U2AF2: variants seen among roughly 807,000 people sequenced by gnomAD.
The protein encoded by U2AF2 is splicing factor U2AF 65 kDa subunit.
A neutral mutation model predicts 52.6 loss-of-function variants in U2AF2; 6 were observed. The observed-to-expected ratio is 0.11, with a 90% CI of 0.06 to 0.23. The LOEUF (loss-of-function observed/expected upper bound fraction) is 0.23. Ranked by LOEUF, U2AF2 falls within the 10% of genes least tolerant of loss-of-function variation. The pLI, the probability that U2AF2 is intolerant of heterozygous loss-of-function variation, is 1.00. For missense variants in U2AF2, 222 were observed against 677.1 expected, an observed-to-expected ratio of 0.33 and a Z score of 7.46; for synonymous variants, 284 against 258.2, an observed-to-expected ratio of 1.10 and a Z score of -0.96.
chr19:55,659,021 CT>C (rs1983979418), intron 1 of U2AF2, 188 bp from the exon 2 acceptor site: 1 of 904,570 alleles, frequency 1.1e-6, no homozygotes, highest in Non-Finnish European at 1.5e-6. Flanking sequence ...CCCCGTCCCC[CT>C]GGTCCCCTCA....
At chr19:55,659,814 T>C (rs969694662) in intron 2 of U2AF2, among the ~76,000 whole-genome samples, 2 of 152,104 alleles carry the variant, frequency 1.3e-5, no homozygotes, top group Admixed American at 6.5e-5. Flanking sequence ...GGCTGACTTT[T>C]TGGCCCAGGG....
rs1314067243 is a variant in U2AF2, at chr19:55,668,483, A to C, written c.743-24A>C. 1 of 1,551,918 alleles carries C rather than the reference A, an allele frequency of 6.4e-7. No homozygotes were observed. Among genetic ancestry groups the C allele is most frequent in the Non-Finnish European group, 8.7e-7 (1 of 1,146,940 alleles). On this transcript the variant is annotated intron_variant, in intron 7 of 11. Transcript: ENST00000308924. This position sits in a 1 kb window ranked among gnomAD's most constrained non-coding sequence, Gnocchi z 5.5. Reference sequence around the variant, plus strand: ...GGAGATAACCTGGTACTGGAATTGAAGTCCTCCTCTTCTCTACCCATAGGG... The same window carrying C: ...GGAGATAACCTGGTACTGGAATTGACGTCCTCCTCTTCTCTACCCATAGGG...
chr19:55,664,787 G>A (rs905493106), intron 7 of U2AF2, among the ~76,000 whole-genome samples: 3 of 152,070 alleles, frequency 2.0e-5, no homozygotes, highest in African/African-American at 7.2e-5. Flanking sequence ...GCACGATCTC[G>A]GCTTACTGCA....
intron 6 of U2AF2, 55 bp from the exon 7 acceptor site, chr19:55,663,551 G>T: frequency 1.3e-6 from 2 of 1,588,914 alleles, no homozygotes; most frequent in Non-Finnish European, 1.7e-6. Flanking sequence ...GGAACACTAG[G>T]GGCTGTACTA....
Position 55,668,898 on chromosome 19 carries a change from C to T in U2AF2, c.945+106C>T, listed in dbSNP as rs527486689. 1.5e-4 allele frequency: 235 copies of T among 1,537,456 alleles called. No individual in the cohort carries two copies. Among genetic ancestry groups the T allele is most frequent in the Non-Finnish European group, 1.9e-4 (221 of 1,140,616 alleles). Reference sequence around the variant, plus strand: ...AGGGGACGGGGCGGGAGGCGGCCAACCTGAGGCAGTGCCCTGTGTGTGGGC... The same window carrying T: ...AGGGGACGGGGCGGGAGGCGGCCAATCTGAGGCAGTGCCCTGTGTGTGGGC... On this transcript the variant is annotated intron_variant, in intron 9 of 11. Transcript: ENST00000308924. The surrounding 1 kb of genome is among the most constrained non-coding windows in gnomAD (Gnocchi z 5.5).
At chr19:55,664,300 G>T (rs1057269284) in intron 7 of U2AF2, among the ~76,000 whole-genome samples, 3 of 152,230 alleles carry the variant, frequency 2.0e-5, no homozygotes, top group Admixed American at 1.3e-4. Context: ...GCAGCCGGAC[G>T]GTGTCTGCGT....
chr19:55,656,654 T>C lies in U2AF2; in HGVS notation c.49+1501T>C, dbSNP rs570854765. On this transcript the variant is annotated intron_variant, in intron 1 of 11. Coordinates refer to ENST00000308924, the MANE Select transcript of U2AF2 (RefSeq NM_007279.3). ...AGCATGTTTTACTAAGTGGATCCTT[T>C]TAACAGCCTTGTGAGGCCAAAATGA... is the stretch of plus-strand genomic sequence containing the variant. Among the ~76,000 whole-genome samples the C allele has an allele frequency of 1.8e-3, 269 of 152,332 alleles. 2 individuals are homozygous for C. Among genetic ancestry groups the C allele is most frequent in the African/African-American group, 6.3e-3 (260 of 41,590 alleles).
intron 1 of U2AF2, among the ~76,000 whole-genome samples, chr19:55,656,967 C>T (rs978799363): frequency 1.3e-5 from 2 of 152,202 alleles, no homozygotes; most frequent in Non-Finnish European, 1.5e-5. Context: ...GGAGTAGATA[C>T]GACCCTCGTT....
chr19:55,659,675 C>T (rs889111691), intron 2 of U2AF2, among the ~76,000 whole-genome samples: 2 of 151,634 alleles, frequency 1.3e-5, no homozygotes, highest in Non-Finnish European at 2.9e-5. Context: ...GGGCCTGTTC[C>T]TTCTTTTCGA....
At chr19:55,666,936 C>T (rs1042552913) in intron 7 of U2AF2, among the ~76,000 whole-genome samples, 5 of 152,140 alleles carry the variant, frequency 3.3e-5, no homozygotes, top group South Asian at 2.1e-4. Context: ...TTGCTCTGTG[C>T]CTCAGTTTTT....
At chr19:55,671,090 T>G (rs930207952) in intron 11 of U2AF2, among the ~76,000 whole-genome samples, 1 of 152,174 alleles carries the variant, frequency 6.6e-6, no homozygotes, top group Non-Finnish European at 1.5e-5. Flanking sequence ...GGTGGCCTTT[T>G]GAAGGAGAAA....
intron 11 of U2AF2, among the ~76,000 whole-genome samples, chr19:55,672,452 T>TG (rs780381650): frequency 6.6e-6 from 1 of 152,184 alleles, no homozygotes; most frequent in African/African-American, 2.4e-5. Flanking sequence ...AACTTCTCTG[T>TG]GGGGGCCTTT....
intron 3 of U2AF2, 137 bp downstream of exon 3, chr19:55,660,358 C>T: frequency 8.8e-7 from 1 of 1,142,100 alleles, no homozygotes. Context: ...ACCAGCACCC[C>T]TTTCCCAGGC....
intron 1 of U2AF2, 37 bp from the exon 2 acceptor site, chr19:55,659,173 C>T: frequency 6.7e-7 from 1 of 1,500,792 alleles, no homozygotes; most frequent in East Asian, 2.5e-5. Flanking sequence ...CATCCTTACT[C>T]CGCTTATCCC....
chr19:55,661,042 G>A lies in U2AF2; in HGVS notation c.339G>A (p.Ala113=), dbSNP rs368889110. ...CGGCTTTTATTCCCTTTGAAGCTGC[G>A]GGTCAGATTCCAGCCACTGCTCTTC... ...TPMQYKAMQA[A]GQIPATALLP... is the part of the protein sequence containing the mutation. The change falls in exon 5 of 12, where the codon GCG becomes GCA. Residue 113 remains alanine (A), a synonymous_variant. Coordinates refer to ENST00000308924, the MANE Select transcript of U2AF2 (RefSeq NM_007279.3). 20 of 1,578,910 alleles carry A rather than the reference G, an allele frequency of 1.3e-5. No homozygotes were observed. The highest frequency in any genetic ancestry group is 1.1e-4 in the South Asian group (10 of 89,506).
At chr19:55,655,476 A>G (rs1248221248) in intron 1 of U2AF2, among the ~76,000 whole-genome samples, 2 of 152,224 alleles carry the variant, frequency 1.3e-5, no homozygotes, top group Non-Finnish European at 2.9e-5. Flanking sequence ...TGTTTTTTAA[A>G]ATCTTTTTGG....
At position 55,662,722 on chromosome 19, in the gene U2AF2, C is replaced by T. The variant is rs997762942; in HGVS notation, c.603+104C>T. On this transcript the variant is annotated intron_variant, in intron 6 of 11. Coordinates refer to ENST00000308924, the MANE Select transcript of U2AF2 (RefSeq NM_007279.3). ...CTGCCTTGTGCTGTTTCCACCAGGC[C>T]CTCTGCAGCCTCTTCTCCACCCGGT... is the stretch of plus-strand genomic sequence containing the variant. 4.9e-5 allele frequency: 45 copies of T among 914,606 alleles called. No individual in the cohort carries two copies. The African/African-American group carries it at 6.6e-4, about 13-fold the overall frequency. 56.7% of individuals were successfully genotyped at this position (914,606 alleles called of 1,614,324 possible).
At chr19:55,666,214 G>GA (rs1984541131) in intron 7 of U2AF2, among the ~76,000 whole-genome samples, 1 of 152,220 alleles carries the variant, frequency 6.6e-6, no homozygotes, top group Non-Finnish European at 1.5e-5. Flanking sequence ...GTCACCATGG[G>GA]AGGGGACATT....
At position 55,669,066 on chromosome 19, in the gene U2AF2, T is replaced by G; in HGVS notation, c.946-17T>G. ...ACCTCTCCCCGCACCCCCCGACCCC[T>G]CATCCTCCAAACACAGGCCATTGCG... On this transcript the variant is annotated splice_polypyrimidine_tract_variant and intron_variant, in intron 9 of 11. Coordinates refer to ENST00000308924, the MANE Select transcript of U2AF2 (RefSeq NM_007279.3). 2 of 1,378,542 alleles carry G rather than the reference T, an allele frequency of 1.5e-6. No homozygotes were observed. Among genetic ancestry groups the G allele is most frequent in the Non-Finnish European group, 2.0e-6 (2 of 977,020 alleles). The allele number at this position is 1,378,542 out of a possible 1,614,324, so 85.4% of individuals were successfully genotyped here.
Sources: gnomAD v4.1 joint callset for allele counts (sites outside exome capture counted in the v4.1 genomes callset) on GRCh38, gnomAD v4.1.1 for gene constraint, Gnocchi (gnomAD v3.1) non-coding constraint, MANE v1.5 for transcripts, NCBI Gene and HGNC (gene_info 2026-07-23, HGNC 2026-07-21) for gene names.